MRPS31: variants seen among roughly 807,000 people sequenced by gnomAD.
The protein encoded by MRPS31 is small ribosomal subunit protein mS31.
A neutral mutation model predicts 43.1 loss-of-function variants in MRPS31; 32 were observed. The ratio of observed to expected loss-of-function variants is 0.74; its 90% CI spans 0.56 to 1.00. The LOEUF is 1.00. Among genes scored for constraint, MRPS31 ranks in the 50% least tolerant of loss-of-function variants. The pLI is 0.00. For missense variants in MRPS31, 437 were observed against 466.7 expected (o/e 0.94, Z 0.59); for synonymous variants, 165 against 161.6 (o/e 1.02, Z -0.16).
At position 40,729,179 on chromosome 13, in the gene MRPS31, C is replaced by T. The variant is rs1364054845; in HGVS notation, c.*193G>A. On this transcript the variant is annotated 3_prime_UTR_variant, in exon 7 of 7. Transcript: ENST00000323563. ...ACTAATTCCCAGATATTCTTTTGAA[C>T]CTATGAATACTGATGATTTTTCTCC... The T allele has an allele frequency of 4.8e-6, 2 of 412,526 alleles. No individual in the cohort carries two copies. Among genetic ancestry groups the T allele is most frequent in the Non-Finnish European group, 8.6e-6 (2 of 231,882 alleles). The allele number at this position is 412,526 out of a possible 1,614,324, so 25.6% of individuals were successfully genotyped here.
intron 5 of MRPS31, 138 bp from the exon 6 acceptor site, chr13:40,749,419 T>C (rs1174289098): frequency 3.6e-6 from 2 of 561,260 alleles, no homozygotes; most frequent in Non-Finnish European, 5.4e-6. Flanking sequence ...AAAAAGTTAC[T>C]GAGAGATAAC....
At chr13:40,738,589 C>G (rs1879991457) in intron 6 of MRPS31, among the ~76,000 whole-genome samples, 1 of 152,110 alleles carries the variant, frequency 6.6e-6, no homozygotes, top group Admixed American at 6.6e-5. Flanking sequence ...GCTTATCCAT[C>G]ATGATCAAGT....
intron 6 of MRPS31, among the ~76,000 whole-genome samples, chr13:40,738,339 A>C (rs1011370467): frequency 6.6e-6 from 1 of 152,204 alleles, no homozygotes; most frequent in Non-Finnish European, 1.5e-5. Flanking sequence ...ATGGATTCAC[A>C]GCTGAATTCT....
intron 6 of MRPS31, among the ~76,000 whole-genome samples, chr13:40,747,025 G>A (rs541407209): frequency 5.3e-4 from 81 of 152,136 alleles, no homozygotes; most frequent in Non-Finnish European, 9.0e-4. Context: ...ATGCTTCACC[G>A]ACTCTCCTGA....
intron 6 of MRPS31, among the ~76,000 whole-genome samples, chr13:40,737,431 ACC>A (rs1879952884): frequency 6.6e-6 from 1 of 152,058 alleles, no homozygotes; most frequent in Non-Finnish European, 1.5e-5. Context: ...CACCAAGCAG[ACC>A]TAATAGACAT....
Position 40,749,175 on chromosome 13 carries a change from CT to C in MRPS31, c.920del (p.Glu307GlyfsTer48), listed in dbSNP as rs774410516. 3.0e-5 allele frequency: 48 copies of C among 1,601,088 alleles called. No homozygotes were observed. The highest frequency in any genetic ancestry group is 3.7e-5 in the Non-Finnish European group (44 of 1,177,364). On this transcript the variant is annotated frameshift_variant, in exon 6 of 7. Coordinates refer to ENST00000323563, the MANE Select transcript of MRPS31 (RefSeq NM_005830.4). LOFTEE classifies it high-confidence loss of function. Reference sequence around the variant, plus strand: ...TAATTGGGAACTCCCATAGTTTCCCCTCTTTTGTCCACTGGATCAGCTCTTC... The same window carrying C: ...TAATTGGGAACTCCCATAGTTTCCCCCTTTTGTCCACTGGATCAGCTCTTC... ...GFEELIQWTK[E>X]GKLWEFPINN...
At chr13:40,736,877 C>A (rs1309060748) in intron 6 of MRPS31, among the ~76,000 whole-genome samples, 1 of 150,362 alleles carries the variant, frequency 6.7e-6, no homozygotes, top group Non-Finnish European at 1.5e-5. Flanking sequence ...CATCAACTAA[C>A]GAGCAAAATA....
chr13:40,739,916 A>C (rs1181209836), intron 6 of MRPS31, among the ~76,000 whole-genome samples: 3 of 151,922 alleles, frequency 2.0e-5, no homozygotes, highest in East Asian at 1.9e-4. Flanking sequence ...AAGCAATGGC[A>C]ACAAAAGACA....
At chr13:40,764,719 T>C (rs1566112124) in intron 2 of MRPS31, among the ~76,000 whole-genome samples, 1 of 152,210 alleles carries the variant, frequency 6.6e-6, no homozygotes, top group Non-Finnish European at 1.5e-5. Context: ...AGGTCTCAGC[T>C]GACAGCCAGC....
In MRPS31 at chr13:40,771,028, G is replaced by A. The variant is rs1462409510; in HGVS notation, c.109C>T (p.Arg37Trp). Reference protein sequence around the residue: ...SAAAIMLLTVRHGTVRYRSSA... With the variant: ...SAAAIMLLTVWHGTVRYRSSA... ...CTGCGGTACCTGACTGTTCCGTGCC[G>A]AACAGTGAGTAGCATAATCGCAGCC... is the stretch of plus-strand genomic sequence containing the variant. The change falls in exon 1 of 7, where the codon CGG becomes TGG. Residue 37 changes from arginine (R) to tryptophan (W), a missense_variant. Arg to Trp is a moderately radical substitution (Grantham distance 101, BLOSUM62 -3). Transcript: ENST00000323563. 4.3e-6 allele frequency: 7 copies of A among 1,614,020 alleles called. No individual in the cohort carries two copies. Among genetic ancestry groups the A allele is most frequent in the Non-Finnish European group, 5.9e-6 (7 of 1,180,036 alleles).
rs187662687 is a variant in MRPS31, at chr13:40,757,163, C to G, written c.600-150G>C. ...TAAAATGTTTAAATAAAAAATGTCG[C>G]CTATTAACATTCACATAACACAGAA... On this transcript the variant is annotated intron_variant, in intron 3 of 6. Transcript: ENST00000323563. 497 of 579,962 alleles carry G rather than the reference C, an allele frequency of 8.6e-4. 2 individuals carry two copies. The African/African-American group carries it at 8.6e-3, about 10-fold the overall frequency. The allele number at this position is 579,962 out of a possible 1,614,324, so 35.9% of individuals were successfully genotyped here.
chr13:40,762,518 C>T (rs944912827), intron 2 of MRPS31, among the ~76,000 whole-genome samples: 2 of 151,592 alleles, frequency 1.3e-5, no homozygotes, highest in African/African-American at 2.4e-5. Flanking sequence ...ACTGCAGCCT[C>T]AACCTCCTCA....
At chr13:40,754,161 A>T in intron 4 of MRPS31, 69 bp from the exon 5 acceptor site, 1 of 864,866 alleles carries the variant, frequency 1.2e-6, no homozygotes, top group South Asian at 1.7e-5. Flanking sequence ...ACTATGAGAA[A>T]ATATCTTAAG....
chr13:40,735,252 A>C (rs1266850658), intron 6 of MRPS31, among the ~76,000 whole-genome samples: 1 of 152,220 alleles, frequency 6.6e-6, no homozygotes, highest in Admixed American at 6.5e-5. Flanking sequence ...GCACCAGATT[A>C]TATCCCGCAC....
chr13:40,759,996 A>G (rs1880646274), intron 2 of MRPS31, among the ~76,000 whole-genome samples: 1 of 152,098 alleles, frequency 6.6e-6, no homozygotes, highest in South Asian at 2.1e-4. Flanking sequence ...TTAGCCAGGC[A>G]TGGCAGCACA....
chr13:40,754,592 G>T (rs1880477705), intron 4 of MRPS31, among the ~76,000 whole-genome samples: 1 of 152,142 alleles, frequency 6.6e-6, no homozygotes, highest in South Asian at 2.1e-4. Context: ...TTCTTTACGT[G>T]ACTATTTTTA....
chr13:40,742,871 A>ACC (rs1025078736), intron 6 of MRPS31, among the ~76,000 whole-genome samples: 6 of 152,170 alleles, frequency 3.9e-5, no homozygotes, highest in African/African-American at 1.4e-4. Flanking sequence ...CTGAAACTGG[A>ACC]CCCCTACCTT....
At chr13:40,764,480 T>C (rs900351489) in intron 2 of MRPS31, among the ~76,000 whole-genome samples, 2 of 152,192 alleles carry the variant, frequency 1.3e-5, no homozygotes. Flanking sequence ...TTTGTCAAGA[T>C]TGTTTCTCAG....
chr13:40,754,085 T>A lies in MRPS31; in HGVS notation c.748A>T (p.Ile250Leu), dbSNP rs776228534. The A allele has an allele frequency of 4.0e-5, 63 of 1,567,898 alleles. No homozygotes were observed. Among genetic ancestry groups the A allele is most frequent in the Non-Finnish European group, 5.3e-5 (61 of 1,148,734 alleles). The change falls in exon 5 of 7, where the codon ATA (isoleucine) becomes TTA (leucine). Residue 250 changes from isoleucine (I) to leucine (L), a missense_variant. Transcript: ENST00000323563. ...ATATTAAGTCTTTTCCCTGTGAATA[T>A]ATTTTTCCTAAGTCCAAAAAAAGAA... The part of the protein sequence containing the change: ...KTDDLKKRKN[I>L]FTGKRLNIFD...
Sources: allele counts gnomAD v4.1 joint callset (sites outside exome capture counted in the v4.1 genomes callset), GRCh38; gene constraint gnomAD v4.1.1; transcripts MANE v1.5; gene names NCBI Gene and HGNC (gene_info 2026-07-23, HGNC 2026-07-21).